Variants in CDH26 observed in about 807,000 individuals in gnomAD.
CDH26 encodes cadherin-like protein 26.
A neutral mutation model predicts 90.3 loss-of-function variants in CDH26; 83 were observed. The ratio of observed to expected loss-of-function variants is 0.92; its 90% CI spans 0.77 to 1.10. The LOEUF is 1.10. Among genes scored for constraint, CDH26 ranks in the 50% least tolerant of loss-of-function variants. The pLI is 0.00. For missense variants in CDH26, 1,013 were observed against 1,037.6 expected (o/e 0.98, Z 0.33); for synonymous variants, 397 against 396.3 (o/e 1.00, Z -0.02).
At chr20:59,982,056 T>C (rs544709747) in intron 4 of CDH26, among the ~76,000 whole-genome samples, 34 of 152,316 alleles carry the variant, frequency 2.2e-4, no homozygotes, top group African/African-American at 7.7e-4. Flanking sequence ...GGCATAAACT[T>C]GGTCATACTA....
chr20:60,016,238 C>T (rs2061904837), downstream of CDH26, among the ~76,000 whole-genome samples: 2 of 152,074 alleles, frequency 1.3e-5, no homozygotes, highest in Non-Finnish European at 2.9e-5. Context: ...AACATTAATT[C>T]TTCTGATCCA....
chr20:59,974,612 C>T (rs539550637), intron 4 of CDH26, among the ~76,000 whole-genome samples: 4 of 152,262 alleles, frequency 2.6e-5, no homozygotes, highest in African/African-American at 9.6e-5. Context: ...GTTTTCAGGG[C>T]CCTATGCTTG....
At position 60,025,006 on chromosome 20, in the gene CDH26, G is replaced by A. The variant is rs374348193; in HGVS notation, c.948-6225G>A. Among the ~76,000 whole-genome samples the A allele has an allele frequency of 3.8e-4, 58 of 152,282 alleles. No individual in the cohort carries two copies. The South Asian group carries it at 0.012, about 30-fold the overall frequency. ...CTGCAGGCTGGCTGCCGACCTGAAG[G>A]GGGACTATCTGCAGAGCTTGGGAAG... On this transcript the variant is annotated intron_variant, in intron 7 of 8. Transcript: ENST00000370991.
intron 7 of CDH26, among the ~76,000 whole-genome samples, chr20:60,021,407 C>T (rs1339696381): frequency 6.6e-6 from 1 of 152,118 alleles, no homozygotes; most frequent in Non-Finnish European, 1.5e-5. Flanking sequence ...ACCCCACAGC[C>T]CACAAAGCCT....
intron 1 of CDH26, among the ~76,000 whole-genome samples, chr20:59,962,745 T>C (rs2061093086): frequency 6.6e-6 from 1 of 152,124 alleles, no homozygotes; most frequent in African/African-American, 2.4e-5. Context: ...CCCGAGGTGG[T>C]GGAAACTTTA....
At chr20:59,988,834 ACTCGGCGCTGGGCTTC>A (rs1195883190) in intron 8 of CDH26, 54 bp from the exon 9 acceptor site, 1 of 1,555,836 alleles carries the variant, frequency 6.4e-7, no homozygotes, top group African/African-American at 1.4e-5. Context: ...TGCAATGATG[ACTCGGCGCTGGGCTTC>A]CTCTGGCCAG....
intron 16 of CDH26, among the ~76,000 whole-genome samples, chr20:60,006,119 G>A (rs555574951): frequency 1.3e-5 from 2 of 152,200 alleles, no homozygotes; most frequent in Non-Finnish European, 1.5e-5. Context: ...TTGCACCTGC[G>A]TGAGCTCGAC....
chr20:60,005,093 C>T (rs1463286841), intron 16 of CDH26, among the ~76,000 whole-genome samples: 1 of 151,540 alleles, frequency 6.6e-6, no homozygotes, highest in African/African-American at 2.4e-5. Flanking sequence ...AGATGAAGAC[C>T]TTTATGATAA....
At chr20:60,019,061 G>C (rs2061931750), downstream of CDH26, among the ~76,000 whole-genome samples, 1 of 152,048 alleles carries the variant, frequency 6.6e-6, no homozygotes, top group Non-Finnish European at 1.5e-5. Flanking sequence ...GGCTTGTAAG[G>C]TTTCTGCTGA....
chr20:59,974,693 A>G (rs1317437608), intron 4 of CDH26, among the ~76,000 whole-genome samples: 1 of 152,038 alleles, frequency 6.6e-6, no homozygotes, highest in East Asian at 1.9e-4. Flanking sequence ...TTTAATATTG[A>G]TTTAGGTACT....
At chr20:60,033,794 T>A (rs1430982559) in exon 9 of CDH26, 29 of 1,173,356 alleles carry the variant, frequency 2.5e-5, no homozygotes, top group Non-Finnish European at 1.7e-5. Context: ...TGTGTGTGTG[T>A]GTGTGTGTGT....
chr20:60,027,288 G>A (rs2146034123), intron 7 of CDH26, among the ~76,000 whole-genome samples: 1 of 152,250 alleles, frequency 6.6e-6, no homozygotes, highest in South Asian at 2.1e-4. Flanking sequence ...TTGAATCTCT[G>A]TTGTTTTTTT....
chr20:59,997,389 C>T (rs1418996523), intron 13 of CDH26, among the ~76,000 whole-genome samples: 2 of 152,368 alleles, frequency 1.3e-5, no homozygotes, highest in South Asian at 2.1e-4. Context: ...CATCATTTAA[C>T]CCTACATCCT....
chr20:60,029,607 G>A (rs963155626), intron 7 of CDH26, among the ~76,000 whole-genome samples: 1 of 152,076 alleles, frequency 6.6e-6, no homozygotes, highest in African/African-American at 2.4e-5. Flanking sequence ...CATGCATTAG[G>A]TATTTGTCCT....
intron 1 of CDH26, among the ~76,000 whole-genome samples, chr20:59,960,889 G>T (rs1269195519): frequency 6.6e-6 from 1 of 152,164 alleles, no homozygotes; most frequent in Non-Finnish European, 1.5e-5. Flanking sequence ...TATTCATTCA[G>T]AGCTCATGCT....
At chr20:59,959,672 T>G (rs2061042762) in intron 1 of CDH26, among the ~76,000 whole-genome samples, 3 of 152,188 alleles carry the variant, frequency 2.0e-5, no homozygotes, top group Admixed American at 2.0e-4. Flanking sequence ...AGTGTTAGGA[T>G]GACAGGCTTG....
intron 7 of CDH26, among the ~76,000 whole-genome samples, chr20:60,021,242 C>A (rs1466695120): frequency 1.3e-5 from 2 of 152,184 alleles, no homozygotes; most frequent in Non-Finnish European, 2.9e-5. Context: ...GGTTATTAGA[C>A]CTTCTAGATT....
At chr20:60,007,950 C>A (rs1476356507) in intron 17 of CDH26, among the ~76,000 whole-genome samples, 1 of 152,198 alleles carries the variant, frequency 6.6e-6, no homozygotes, top group East Asian at 1.9e-4. Flanking sequence ...CCACTGCGTA[C>A]TCCTGGGAAG....
chr20:59,972,673 A>G (rs1325910913), intron 4 of CDH26, among the ~76,000 whole-genome samples: 1 of 152,202 alleles, frequency 6.6e-6, no homozygotes, highest in Non-Finnish European at 1.5e-5. Flanking sequence ...CATGTATCAC[A>G]TTACTCACCT....
Sources: gnomAD v4.1 joint callset for allele counts (sites outside exome capture counted in the v4.1 genomes callset) on GRCh38, gnomAD v4.1.1 for gene constraint, MANE v1.5 for transcripts, NCBI Gene and HGNC (gene_info 2026-07-23, HGNC 2026-07-21) for gene names.